The following STRBP variants were observed in gnomAD, a reference collection of about 807,000 sequenced individuals.
STRBP encodes the protein spermatid perinuclear RNA-binding protein.
In STRBP, 13 loss-of-function variants were observed where a neutral mutation model predicts 80.1. The observed-to-expected ratio is 0.16, with a 90% confidence interval of 0.11 to 0.26. The LOEUF (loss-of-function observed/expected upper bound fraction) is 0.26, where lower values mean the gene tolerates loss of function less well. STRBP is among the 10% of genes least tolerant of loss of function. The pLI is 1.00. For missense variants in STRBP, 485 were observed against 815.2 expected (o/e 0.59, Z 4.93); for synonymous variants, 284 against 291.2 (o/e 0.98, Z 0.25).
chr9:123,250,811 T>C (rs1315077617), intron 1 of STRBP, among the ~76,000 whole-genome samples: 1 of 152,196 alleles, frequency 6.6e-6, no homozygotes, highest in East Asian at 1.9e-4. Flanking sequence ...CACTTAGCTA[T>C]ATGATCTGTT....
At chr9:123,125,836 A>G (rs2035872944) in intron 18 of STRBP, among the ~76,000 whole-genome samples, 163 bp from the exon 19 acceptor site, 1 of 152,252 alleles carries the variant, frequency 6.6e-6, no homozygotes, top group African/African-American at 2.4e-5. Context: ...TCACAGATCT[A>G]TTTTGAAATT....
intron 14 of STRBP, among the ~76,000 whole-genome samples, chr9:123,137,272 A>C (rs779577020): frequency 2.6e-5 from 4 of 152,224 alleles, no homozygotes; most frequent in Non-Finnish European, 5.9e-5. Flanking sequence ...CACAAAATAC[A>C]ACTATAATTT....
At chr9:123,161,100 T>C (rs771476796) in intron 6 of STRBP, 32 bp from the exon 7 acceptor site, 5 of 1,495,732 alleles carry the variant, frequency 3.3e-6, no homozygotes, top group South Asian at 1.2e-5. Flanking sequence ...GAGAGACAAA[T>C]ACAATTTGAC....
chr9:123,252,105 G>T (rs1216160762), intron 1 of STRBP, among the ~76,000 whole-genome samples: 1 of 151,856 alleles, frequency 6.6e-6, no homozygotes, highest in Admixed American at 6.6e-5. Context: ...AGGAAAAGTT[G>T]CAGGAAATGG....
intron 18 of STRBP, among the ~76,000 whole-genome samples, chr9:123,125,956 A>G (rs1447258037): frequency 6.6e-6 from 1 of 152,214 alleles, no homozygotes; most frequent in Non-Finnish European, 1.5e-5. Flanking sequence ...ATCAAAAGCA[A>G]TGCTATTGAA....
At chr9:123,204,276 G>A (rs1036552259) in intron 2 of STRBP, among the ~76,000 whole-genome samples, 3 of 152,218 alleles carry the variant, frequency 2.0e-5, no homozygotes, top group African/African-American at 4.8e-5. Flanking sequence ...ATACAAAGAT[G>A]TTAAATGATT....
intron 17 of STRBP, among the ~76,000 whole-genome samples, chr9:123,128,502 T>C (rs2035989732): frequency 6.6e-6 from 1 of 152,206 alleles, no homozygotes; most frequent in Non-Finnish European, 1.5e-5. Context: ...CCTACATCTC[T>C]TTCTCACTGC....
intron 2 of STRBP, among the ~76,000 whole-genome samples, chr9:123,235,271 G>A (rs1312437359): frequency 6.6e-6 from 1 of 150,826 alleles, no homozygotes; most frequent in Non-Finnish European, 1.5e-5. Context: ...AGAAGTTGAA[G>A]GATAAGCCTT....
Position 123,122,860 on chromosome 9 carries a change from T to C in STRBP, c.*2737A>G. The C allele has an allele frequency of 1.0e-6, 1 of 985,738 alleles. No individual in the cohort carries two copies. The highest frequency in any genetic ancestry group is 1.2e-6 in the Non-Finnish European group (1 of 830,152). 61.1% of individuals were successfully genotyped at this position (985,738 alleles called of 1,614,324 possible). On this transcript the variant is annotated 3_prime_UTR_variant, in exon 19 of 19. Transcript: ENST00000348403. ...CACACGCTAATTTTAAGCTCTACAC[T>C]GACCTGTAAACTCCCTGACAAGAAA...
chr9:123,175,248 C>G (rs2038171728), intron 4 of STRBP, among the ~76,000 whole-genome samples: 1 of 152,134 alleles, frequency 6.6e-6, no homozygotes, highest in African/African-American at 2.4e-5. Context: ...TTCCCAAGTT[C>G]AGAAAAGGGA....
chr9:123,174,656 T>C (rs1588044227), intron 4 of STRBP, among the ~76,000 whole-genome samples: 1 of 152,298 alleles, frequency 6.6e-6, no homozygotes, highest in East Asian at 1.9e-4. Context: ...AGTGCCTCCC[T>C]TTCTATATCA....
chr9:123,138,681 G>A (rs183472917), intron 14 of STRBP, among the ~76,000 whole-genome samples: 1 of 152,070 alleles, frequency 6.6e-6, no homozygotes, highest in Admixed American at 6.6e-5. Flanking sequence ...AGAGCTTATC[G>A]CATTATATTA....
rs113073733 is a variant in STRBP, at chr9:123,190,022, G to A, written c.-164-5724C>T. 3.6e-3 allele frequency among the ~76,000 whole-genome samples: 541 copies of A among 152,260 alleles called. 2 individuals carry two copies. The highest frequency in any genetic ancestry group is 0.012 in the African/African-American group (491 of 41,550). On this transcript the variant is annotated intron_variant, in intron 2 of 18. Coordinates refer to ENST00000348403, the MANE Select transcript of STRBP (RefSeq NM_018387.5). The stretch of plus-strand genomic sequence containing the variant: ...GGGCCAGGTGCGGTGGCTCACACCT[G>A]TAATCCCAGCACTTTGGGAGGCAGA...
chr9:123,265,682 C>A (rs2041251268), intron 1 of STRBP, among the ~76,000 whole-genome samples: 1 of 152,112 alleles, frequency 6.6e-6, no homozygotes, highest in Non-Finnish European at 1.5e-5. Flanking sequence ...GTGTTCAAAC[C>A]CCTAAAGGTT....
intron 5 of STRBP, 148 bp from the exon 6 acceptor site, chr9:123,170,194 C>G: frequency 1.5e-6 from 1 of 653,640 alleles, no homozygotes; most frequent in Non-Finnish European, 2.3e-6. Flanking sequence ...TAGTTCTTTA[C>G]TGGGGATAAC....
Position 123,160,473 on chromosome 9 carries a change from CA to C in STRBP, c.628-12del. Reference sequence around the variant, plus strand: ...TCCATTTGCCCTTGCCTAAAACAAACAAAATGATTCCAGATATCCCTATTGA... The same window carrying C: ...TCCATTTGCCCTTGCCTAAAACAAACAAATGATTCCAGATATCCCTATTGA... On this transcript the variant is annotated splice_polypyrimidine_tract_variant and intron_variant, in intron 7 of 18. Coordinates refer to ENST00000348403, the MANE Select transcript of STRBP (RefSeq NM_018387.5). The C allele has an allele frequency of 6.3e-7, 1 of 1,577,554 alleles. No homozygotes were observed. Among genetic ancestry groups the C allele is most frequent in the Non-Finnish European group, 8.7e-7 (1 of 1,155,620 alleles).
intron 2 of STRBP, among the ~76,000 whole-genome samples, chr9:123,200,001 G>A (rs140698468): frequency 2.2e-3 from 331 of 152,286 alleles, no homozygotes; most frequent in Admixed American, 7.0e-3. Context: ...TTGGCTGTGC[G>A]TTAGTCATAG....
intron 16 of STRBP, 133 bp downstream of exon 16, chr9:123,135,908 A>T: frequency 1.7e-6 from 2 of 1,205,574 alleles, no homozygotes; most frequent in Non-Finnish European, 2.3e-6. Context: ...GACCTAACCC[A>T]AAGCAAAGGT....
intron 7 of STRBP, among the ~76,000 whole-genome samples, 183 bp from the exon 8 acceptor site, chr9:123,160,645 A>C (rs2037485122): frequency 6.6e-6 from 1 of 152,246 alleles, no homozygotes; most frequent in African/African-American, 2.4e-5. Context: ...TAAAAGGACC[A>C]TAATATTAAA....
Sources: allele counts gnomAD v4.1 joint callset (sites outside exome capture counted in the v4.1 genomes callset), GRCh38; gene constraint gnomAD v4.1.1; transcripts MANE v1.5; gene names NCBI Gene and HGNC (gene_info 2026-07-23, HGNC 2026-07-21).